The following LMNTD1 variants were observed in gnomAD, a reference collection of about 807,000 sequenced individuals.
The protein encoded by LMNTD1 is lamin tail domain-containing protein 1.
In LMNTD1, 35 loss-of-function variants were observed where a neutral mutation model predicts 50.9. That is an observed-to-expected ratio of 0.69 (90% CI 0.53 to 0.91). The LOEUF is 0.91. LMNTD1 is among the 40% of genes least tolerant of loss of function. The pLI is 0.00. For missense variants in LMNTD1, 470 were observed against 475.5 expected, an observed-to-expected ratio of 0.99 and a Z score of 0.11; for synonymous variants, 153 against 161.9, an observed-to-expected ratio of 0.94 and a Z score of 0.42.
intron 6 of LMNTD1, among the ~76,000 whole-genome samples, chr12:25,521,680 G>A (rs949204332): frequency 2.0e-5 from 3 of 152,080 alleles, no homozygotes; most frequent in African/African-American, 4.8e-5. Flanking sequence ...CTAAAGAACC[G>A]AGCAAAAAGT....
chr12:25,584,814 CTGGGG>C, intron 1 of LMNTD1, among the ~76,000 whole-genome samples: 1 of 152,096 alleles, frequency 6.6e-6, no homozygotes, highest in African/African-American at 2.4e-5. Flanking sequence ...TCATCATAGA[CTGGGG>C]TCTAATACTT....
chr12:25,486,377 T>C (rs1470475289), intron 9 of LMNTD1, among the ~76,000 whole-genome samples: 2 of 152,250 alleles, frequency 1.3e-5, no homozygotes, highest in South Asian at 2.1e-4. Flanking sequence ...ACTCCTGAAG[T>C]TGCTTATCAG....
chr12:25,590,351 T>G (rs1488330133), intron 1 of LMNTD1, among the ~76,000 whole-genome samples: 1 of 152,114 alleles, frequency 6.6e-6, no homozygotes, highest in Non-Finnish European at 1.5e-5. Flanking sequence ...AGAGAGCAAT[T>G]AAAGTAGCCT....
At chr12:25,543,880 T>C (rs1943261573) in intron 4 of LMNTD1, among the ~76,000 whole-genome samples, 1 of 152,006 alleles carries the variant, frequency 6.6e-6, no homozygotes, top group Non-Finnish European at 1.5e-5. Flanking sequence ...TTAATTTCCA[T>C]GTGTTTGTGT....
chr12:25,616,400 C>T (rs980368029), intron 1 of LMNTD1, among the ~76,000 whole-genome samples: 2 of 151,942 alleles, frequency 1.3e-5, no homozygotes, highest in Non-Finnish European at 2.9e-5. Context: ...GATGAATCTC[C>T]AAAGAATTAT....
At chr12:25,583,092 G>A (rs900671978) in intron 1 of LMNTD1, among the ~76,000 whole-genome samples, 1 of 151,390 alleles carries the variant, frequency 6.6e-6, no homozygotes, top group Non-Finnish European at 1.5e-5. Flanking sequence ...CGGTATCTTG[G>A]CTCACTGCAA....
upstream of LMNTD1, among the ~76,000 whole-genome samples, chr12:25,556,756 C>G (rs1401994199): frequency 6.6e-6 from 1 of 152,082 alleles, no homozygotes; most frequent in Non-Finnish European, 1.5e-5. Context: ...TTAAAAGTGG[C>G]AAAATTCCAT....
intron 1 of LMNTD1, among the ~76,000 whole-genome samples, chr12:25,644,354 A>T (rs11048142): frequency 6.7e-6 from 1 of 148,600 alleles, no homozygotes; most frequent in Non-Finnish European, 1.5e-5. Flanking sequence ...GCATGGTGGC[A>T]TGTGCCTGTG....
At chr12:25,481,619 G>A (rs2135905134) in intron 9 of LMNTD1, among the ~76,000 whole-genome samples, 1 of 151,906 alleles carries the variant, frequency 6.6e-6, no homozygotes, top group South Asian at 2.1e-4. Flanking sequence ...AGGATTCAAA[G>A]ACAATAAAAT....
chr12:25,521,321 A>G (rs182096088), intron 6 of LMNTD1, among the ~76,000 whole-genome samples: 24 of 152,206 alleles, frequency 1.6e-4, no homozygotes, highest in Admixed American at 3.3e-4. Context: ...CTTTTCCCCT[A>G]TGTTCTTTCC....
rs1943870169 is a variant in LMNTD1 at position 25,553,099 on chromosome 12, T to C, written c.-61A>G. The C allele has an allele frequency of 6.2e-7, 1 of 1,613,472 alleles. No homozygotes were observed. The highest frequency in any genetic ancestry group is 1.1e-5 in the South Asian group (1 of 91,032). On this transcript the variant is annotated 5_prime_UTR_variant, in exon 1 of 10. Transcript: ENST00000458174. ...AATCCAACTACCTTCAAGCATCAGC[T>C]AGGTTTAATAATTTCTTTACCAAAC...
chr12:25,559,028 C>G lies in LMNTD1; in HGVS notation c.59-12474G>C, dbSNP rs559124455. Among the ~76,000 whole-genome samples the G allele has an allele frequency of 6.6e-5, 10 of 151,362 alleles. 1 individual carries two copies. The South Asian group carries it at 2.1e-3, about 32-fold the overall frequency. Reference sequence around the variant, plus strand: ...CTAATCCCCCAATTTTATTTAATCACTATACTTCCTGCATAATTATTATAA... The same window carrying G: ...CTAATCCCCCAATTTTATTTAATCAGTATACTTCCTGCATAATTATTATAA... On this transcript the variant is annotated intron_variant, in intron 1 of 7. Coordinates refer to the LMNTD1 transcript ENST00000445693.
intron 9 of LMNTD1, among the ~76,000 whole-genome samples, chr12:25,481,299 G>A (rs979678944): frequency 1.3e-5 from 2 of 151,884 alleles, no homozygotes; most frequent in African/African-American, 4.9e-5. Flanking sequence ...TATTTATTTT[G>A]TATATTGTTC....
intron 2 of LMNTD1, among the ~76,000 whole-genome samples, chr12:25,549,775 A>G (rs1017624142): frequency 6.6e-6 from 1 of 152,136 alleles, no homozygotes; most frequent in Non-Finnish European, 1.5e-5. Flanking sequence ...ACAAATTTCT[A>G]TTGTAGATAG....
At chr12:25,611,686 C>T (rs143081093) in intron 1 of LMNTD1, among the ~76,000 whole-genome samples, 12 of 152,290 alleles carry the variant, frequency 7.9e-5, no homozygotes, top group South Asian at 2.1e-4. Context: ...CATACACATA[C>T]GTACACACAC....
chr12:25,564,635 T>A (rs1944478715), intron 1 of LMNTD1, among the ~76,000 whole-genome samples: 1 of 152,184 alleles, frequency 6.6e-6, no homozygotes, highest in African/African-American at 2.4e-5. Context: ...TAAGATTTGT[T>A]TTGTGACTCA....
At chr12:25,600,327 T>C (rs912925166) in intron 1 of LMNTD1, among the ~76,000 whole-genome samples, 4 of 151,718 alleles carry the variant, frequency 2.6e-5, no homozygotes, top group African/African-American at 9.7e-5. Context: ...AAATCTATAA[T>C]CTCAAAATGT....
intron 1 of LMNTD1, among the ~76,000 whole-genome samples, chr12:25,565,837 G>A (rs1036639244): frequency 2.0e-5 from 3 of 152,082 alleles, no homozygotes; most frequent in African/African-American, 7.2e-5. Flanking sequence ...CTTCATGTTC[G>A]AAGAATATTT....
intron 8 of LMNTD1, among the ~76,000 whole-genome samples, chr12:25,513,524 T>C (rs1163053553): frequency 6.6e-6 from 1 of 152,152 alleles, no homozygotes; most frequent in Non-Finnish European, 1.5e-5. Flanking sequence ...TGATTTCAGC[T>C]ACTCGGGAGG....
Sources: allele counts gnomAD v4.1 joint callset (sites outside exome capture counted in the v4.1 genomes callset), GRCh38; gene constraint gnomAD v4.1.1; transcripts MANE v1.5; gene names NCBI Gene and HGNC (gene_info 2026-07-23, HGNC 2026-07-21).